Variants in PCYT2 observed in about 807,000 individuals in gnomAD.
The protein encoded by PCYT2 is phosphate cytidylyltransferase 2, ethanolamine, also known as ethanolamine-phosphate cytidylyltransferase.
PCYT2 carries 33 observed loss-of-function variants against 50.0 expected under a neutral mutation model. That is an observed-to-expected ratio of 0.66 (90% CI 0.50 to 0.88). The LOEUF (loss-of-function observed/expected upper bound fraction) is 0.88, where lower values mean the gene tolerates loss of function less well. Ranked by LOEUF, PCYT2 falls within the 40% of genes least tolerant of loss-of-function variation. The probability of loss-of-function intolerance (pLI) is 0.00; values close to 1 mark genes in which losing one functional copy is unlikely to be tolerated. For missense variants in PCYT2, 430 were observed against 519.7 expected, an observed-to-expected ratio of 0.83 and a Z score of 1.68; for synonymous variants, 240 against 203.7, an observed-to-expected ratio of 1.18 and a Z score of -1.52.
chr17:81,910,056 T>G (rs1004914930), intron 1 of PCYT2, among the ~76,000 whole-genome samples: 6 of 152,298 alleles, frequency 3.9e-5, no homozygotes, highest in African/African-American at 1.4e-4. Context: ...CCAAAACAAA[T>G]CCAACCACAA....
chr17:81,909,092 T>C, intron 2 of PCYT2, 55 bp from the exon 3 acceptor site: 1 of 1,573,946 alleles, frequency 6.4e-7, no homozygotes, highest in Non-Finnish European at 8.6e-7. Flanking sequence ...GCCCCTCCAG[T>C]AGGAGGCCCC....
At chr17:81,909,192 C>T in intron 2 of PCYT2, 155 bp from the exon 3 acceptor site, 1 of 1,449,152 alleles carries the variant, frequency 6.9e-7, no homozygotes, top group South Asian at 1.4e-5. Flanking sequence ...TGCTGGCCAA[C>T]TGGGTGGCTC....
At chr17:81,908,491 G>T in intron 4 of PCYT2, 77 bp downstream of exon 4, 2 of 1,170,264 alleles carry the variant, frequency 1.7e-6, no homozygotes, top group Non-Finnish European at 2.5e-6. Flanking sequence ...CGGGCTCCCG[G>T]TAAATAGCAA....
At position 81,904,513 on chromosome 17, in the gene PCYT2, CCT is replaced by C. The variant is rs1468395868; in HGVS notation, c.*318_*319del. 2.9e-6 allele frequency: 1 copy of C among 345,448 alleles called. No individual in the cohort carries two copies. The highest frequency in any genetic ancestry group is 2.1e-5 in the African/African-American group (1 of 47,960). The allele number at this position is 345,448 out of a possible 1,614,324, so 21.4% of individuals were successfully genotyped here. On this transcript the variant is annotated 3_prime_UTR_variant, in exon 13 of 13. Coordinates refer to ENST00000538936, the MANE Select transcript of PCYT2 (RefSeq NM_002861.5). ...ACAGCTGGGTGGGCAGTCAGTGTGGCCTCTGTCCAGGTGGTGGGGGCATCCGG... is the reference window on the plus strand; with the variant it reads ...ACAGCTGGGTGGGCAGTCAGTGTGGCCTGTCCAGGTGGTGGGGGCATCCGG...
At chr17:81,908,763 T>C in intron 3 of PCYT2, 113 bp downstream of exon 3, 1 of 1,338,070 alleles carries the variant, frequency 7.5e-7, no homozygotes, top group South Asian at 1.2e-5. Flanking sequence ...GGCCCGGAAA[T>C]GTCTCAGATC....
At chr17:81,909,302 C>T (rs1216831201) in intron 2 of PCYT2, 2 of 1,430,858 alleles carry the variant, frequency 1.4e-6, no homozygotes, top group Admixed American at 2.8e-5. Flanking sequence ...TGGTGGGGAG[C>T]AGGTGCCCCT....
At position 81,908,887 on chromosome 17, in the gene PCYT2, C is replaced by T. The variant is rs1178335326; in HGVS notation, c.329G>A (p.Cys110Tyr). 2.5e-6 allele frequency: 4 copies of T among 1,613,792 alleles called. No individual in the cohort carries two copies. The highest frequency in any genetic ancestry group is 2.2e-5 in the South Asian group (2 of 91,082). Reference protein sequence around the residue: ...ETLDKYNCDFCVHGNDITLTV... With the variant: ...ETLDKYNCDFYVHGNDITLTV... ...GCCCCGCCACTCACTGCCGTGAACACAGAAGTCACAGTTGTATTTGTCCAG... is the reference window on the plus strand; with the variant it reads ...GCCCCGCCACTCACTGCCGTGAACATAGAAGTCACAGTTGTATTTGTCCAG... The change falls in exon 3 of 13, where the codon TGT becomes TAT. Residue 110 changes from cysteine to tyrosine, a missense_variant. Transcript: ENST00000538936.
rs1184003176 is a variant in PCYT2, at chr17:81,906,517, C to T, written c.706G>A (p.Val236Met). 6.2e-7 allele frequency: 1 copy of T among 1,613,568 alleles called. No homozygotes were observed. The highest frequency in any genetic ancestry group is 1.7e-5 in the Admixed American group (1 of 60,018). Residue 236 changes from valine to methionine, a missense_variant, in exon 8 of 13, where the codon GTG becomes ATG. Physicochemically the swap from Val to Met is conservative, Grantham distance 21 (BLOSUM62 1). This residue lies in a region of PCYT2 where 248 missense variants were observed against 300.2 expected (regional missense o/e 0.83). Transcript: ENST00000538936. ...TAGGGCCTCTCTGCCAGCCTGTGCA[C>T]CTTCTCCAGGAAGTCCACATGCCCG... ...HIGHVDFLEK[V>M]HRLAERPYII...
chr17:81,908,423 C>T lies in PCYT2; in HGVS notation c.407+145G>A, dbSNP rs139772018. 274 of 636,736 alleles carry T rather than the reference C, an allele frequency of 4.3e-4. 1 individual carries two copies. The African/African-American group carries it at 4.5e-3, about 10-fold the overall frequency. The allele number at this position is 636,736 out of a possible 1,614,324, so 39.4% of individuals were successfully genotyped here. ...CCACCCCACAATGGCACCTCCATCC[C>T]TCGAGTTCCCAGTCCTGGGCGTGAG... On this transcript the variant is annotated intron_variant, in intron 4 of 12. Transcript: ENST00000538936.
Position 81,902,060 on chromosome 17 carries a change from A to G in PCYT2, c.*2773T>C, listed in dbSNP as rs1414016566. 2.3e-5 allele frequency: 7 copies of G among 309,112 alleles called. No homozygotes were observed. The highest frequency in any genetic ancestry group is 4.0e-5 in the Non-Finnish European group (7 of 176,150). The allele number at this position is 309,112 out of a possible 1,614,324, so 19.1% of individuals were successfully genotyped here. On this transcript the variant is annotated 3_prime_UTR_variant, in exon 13 of 13. Coordinates refer to ENST00000538936, the MANE Select transcript of PCYT2 (RefSeq NM_002861.5). ...GGGCGTTGGGCTCCCACCAAGCGCC[A>G]GATCCTTGCGCGCCTCCAGCGCTCG...
intron 1 of PCYT2, among the ~76,000 whole-genome samples, chr17:81,909,874 G>A (rs2040482007): frequency 1.3e-5 from 2 of 152,220 alleles, no homozygotes; most frequent in Admixed American, 1.3e-4. Flanking sequence ...TAGAGGACTG[G>A]TGGGTGCAGG....
chr17:81,907,323 C>T, intron 6 of PCYT2: 1 of 1,428,508 alleles, frequency 7.0e-7, no homozygotes, highest in Non-Finnish European at 9.4e-7. Flanking sequence ...AATCCTTGCT[C>T]CTCCAAGCAG....
At position 81,902,341 on chromosome 17, in the gene PCYT2, G is replaced by A. The variant is rs1256513960; in HGVS notation, c.*2492C>T. ...GCTGTGCCTGCTGCTGGCGCCGCCTGGCCTCGCGTGGTACAAGCCAGCGGC... is the reference window on the plus strand; with the variant it reads ...GCTGTGCCTGCTGCTGGCGCCGCCTAGCCTCGCGTGGTACAAGCCAGCGGC... On this transcript the variant is annotated 3_prime_UTR_variant, in exon 13 of 13. Coordinates refer to ENST00000538936, the MANE Select transcript of PCYT2 (RefSeq NM_002861.5). The A allele has an allele frequency of 3.7e-6, 5 of 1,339,974 alleles. No homozygotes were observed. The East Asian group carries it at 1.2e-4, about 33-fold the overall frequency. 83.0% of individuals were successfully genotyped at this position (1,339,974 alleles called of 1,614,324 possible).
chr17:81,902,288 C>A lies in PCYT2; in HGVS notation c.*2545G>T. On this transcript the variant is annotated 3_prime_UTR_variant, in exon 13 of 13. Transcript: ENST00000538936. ...TCAGCCGGCGTCCCCATGGCCCGGT[C>A]CGCGACACTGGCGGCCGCCGCCCTG... 1 of 1,319,524 alleles carries A rather than the reference C, an allele frequency of 7.6e-7. No individual in the cohort carries two copies. Among genetic ancestry groups the A allele is most frequent in the South Asian group, 2.2e-5 (1 of 45,570 alleles). 81.7% of individuals were successfully genotyped at this position (1,319,524 alleles called of 1,614,324 possible). A position where few individuals can be genotyped will look rare whatever the true frequency, so the allele number is the denominator to read the frequency against.
rs773365217 is a variant in PCYT2, at chr17:81,902,692, C to G, written c.*2141G>C. 1 of 1,609,002 alleles carries G rather than the reference C, an allele frequency of 6.2e-7. No individual in the cohort carries two copies. The highest frequency in any genetic ancestry group is 8.5e-7 in the Non-Finnish European group (1 of 1,178,810). On this transcript the variant is annotated 3_prime_UTR_variant, in exon 13 of 13. Transcript: ENST00000538936. ...GCTCCCCGACGGCCGCGGGACCTAC[C>G]AGTGCAAGGCGAACGTCTTCCTGTC...
Position 81,902,145 on chromosome 17 carries a change from T to TGCACCCCAGCCCGCCCGCC in PCYT2, c.*2669_*2687dup. On this transcript the variant is annotated 3_prime_UTR_variant, in exon 13 of 13. Transcript: ENST00000538936. Reference sequence around the variant, plus strand: ...CGACGGCTCCTCCGCGCGCGCCCGCTGCACCCCAGCCCGCCCGCCGCCCCT... The same window carrying TGCACCCCAGCCCGCCCGCC: ...CGACGGCTCCTCCGCGCGCGCCCGCTGCACCCCAGCCCGCCCGCCGCACCCCAGCCCGCCCGCCGCCCCT... 1.2e-6 allele frequency: 1 copy of TGCACCCCAGCCCGCCCGCC among 859,032 alleles called. No individual in the cohort carries two copies. The highest frequency in any genetic ancestry group is 5.7e-5 in the South Asian group (1 of 17,524). The allele number at this position is 859,032 out of a possible 1,614,324, so 53.2% of individuals were successfully genotyped here. A position where few individuals can be genotyped will look rare whatever the true frequency, so the allele number is the denominator to read the frequency against.
Position 81,907,828 on chromosome 17 carries a change from G to T in PCYT2, c.437C>A (p.Thr146Asn). The change falls in exon 5 of 13, where the codon ACC (threonine) becomes AAC (asparagine). Residue 146 changes from threonine (T) to asparagine (N), a missense_variant. By Grantham distance (65) the Thr-to-Asn change is moderately conservative. Coordinates refer to ENST00000538936, the MANE Select transcript of PCYT2 (RefSeq NM_002861.5). The stretch of plus-strand genomic sequence containing the variant: ...CAGCATGCGGCCCACGAGGTCTGTG[G>T]TGGACACCCCTTGCGTGCGCTTGCA... ...RECKRTQGVS[T>N]TDLVGRMLLV... 3 of 1,613,080 alleles carry T rather than the reference G, an allele frequency of 1.9e-6. No individual in the cohort carries two copies. The highest frequency in any genetic ancestry group is 2.5e-6 in the Non-Finnish European group (3 of 1,179,716).
intron 5 of PCYT2, 46 bp downstream of exon 5, chr17:81,907,727 T>C: frequency 6.2e-7 from 1 of 1,601,664 alleles, no homozygotes; most frequent in South Asian, 1.1e-5. Flanking sequence ...TCCTTTCCCC[T>C]GGAGACCTCG....
chr17:81,903,037 T>TG lies in PCYT2; in HGVS notation c.*1795_*1796insC. On this transcript the variant is annotated 3_prime_UTR_variant, in exon 13 of 13. Transcript: ENST00000538936. ...GTTGGCCTGGGCCGCCCAGAGGTCT[T>TG]CAGACCCAGGGGCGAAGCTGGCCAC... is the stretch of plus-strand genomic sequence containing the variant. 1 of 425,026 alleles carries TG rather than the reference T, an allele frequency of 2.4e-6. No individual in the cohort carries two copies. The highest frequency in any genetic ancestry group is 2.1e-5 in the African/African-American group (1 of 48,412). 26.3% of individuals were successfully genotyped at this position (425,026 alleles called of 1,614,324 possible).
Sources: allele counts gnomAD v4.1 joint callset (sites outside exome capture counted in the v4.1 genomes callset), GRCh38; gene constraint gnomAD v4.1.1; regional missense constraint gnomAD v4.1.1; transcripts MANE v1.5; gene names NCBI Gene and HGNC (gene_info 2026-07-23, HGNC 2026-07-21).